The following TEX11 variants were observed in gnomAD, a reference collection of about 807,000 sequenced individuals.
The protein encoded by TEX11 is testis-expressed protein 11.
TEX11 carries 7 observed loss-of-function variants against 84.4 expected under a neutral mutation model. The ratio of observed to expected loss-of-function variants is 0.08; its 90% CI spans 0.05 to 0.16. TEX11 has a LOEUF of 0.16. Ranked by LOEUF, TEX11 falls within the 10% of genes least tolerant of loss-of-function variation. The pLI, the probability that TEX11 is intolerant of heterozygous loss-of-function variation, is 1.00. For missense variants in TEX11, 551 were observed against 660.5 expected (o/e 0.83, Z 1.82); for synonymous variants, 264 against 222.8 (o/e 1.18, Z -1.64).
At chrX:70,621,575 TATAA>T (rs1223704154) in intron 20 of TEX11, among the ~76,000 whole-genome samples, 8 of 60,248 alleles carry the variant, frequency 1.3e-4, no homozygotes, top group Admixed American at 6.4e-4. Flanking sequence ...TATATATATA[TATAA>T]ATAAAAATAA....
chrX:70,735,449 C>G (rs941162261), intron 11 of TEX11, among the ~76,000 whole-genome samples: 8 of 111,620 alleles, frequency 7.2e-5, no homozygotes, highest in African/African-American at 2.6e-4. Flanking sequence ...GATATAATAT[C>G]AGTATTTTTT....
intron 25 of TEX11, among the ~76,000 whole-genome samples, chrX:70,569,047 C>T (rs1170905702): frequency 8.9e-6 from 1 of 112,092 alleles, no homozygotes; most frequent in East Asian, 2.8e-4. Context: ...GTACACCAAT[C>T]AGATGCAGAT....
At chrX:70,801,519 G>A (rs1602139691) in intron 9 of TEX11, among the ~76,000 whole-genome samples, 2 of 111,726 alleles carry the variant, frequency 1.8e-5, no homozygotes, top group Admixed American at 9.6e-5. Flanking sequence ...TTCTTCAAAG[G>A]AGTTATCCAT....
the TEX11 span, among the ~76,000 whole-genome samples, chrX:70,520,190 A>G: frequency 9.0e-6 from 1 of 111,672 alleles, no homozygotes; most frequent in African/African-American, 3.2e-5. Context: ...TTTGGAGGAG[A>G]AGAGGTGCTC....
intron 11 of TEX11, among the ~76,000 whole-genome samples, chrX:70,731,402 G>A (rs1176050366): frequency 6.4e-4 from 71 of 110,362 alleles, no homozygotes; most frequent in South Asian, 7.8e-4. Flanking sequence ...TTGATAGACC[G>A]CTAGCAAGAC....
At chrX:70,602,125 G>A (rs1181507319) in intron 24 of TEX11, among the ~76,000 whole-genome samples, 143 of 111,839 alleles carry the variant, frequency 1.3e-3, no homozygotes, top group African/African-American at 4.2e-3. Flanking sequence ...GGGCAGAAGC[G>A]CCCCTCACCT....
chrX:70,781,979 T>C (rs939369522), intron 9 of TEX11, among the ~76,000 whole-genome samples: 18 of 110,684 alleles, frequency 1.6e-4, no homozygotes, highest in African/African-American at 5.3e-4. Context: ...ACCACAAAGA[T>C]ACCCCTCAAG....
intron 13 of TEX11, among the ~76,000 whole-genome samples, chrX:70,709,505 T>C (rs1170313099): frequency 9.0e-6 from 1 of 111,658 alleles, no homozygotes; most frequent in East Asian, 2.8e-4. Context: ...TTTAAACATA[T>C]AATTGTAAAA....
chrX:70,561,178 A>C (rs1404249154), intron 25 of TEX11, among the ~76,000 whole-genome samples: 1 of 108,488 alleles, frequency 9.2e-6, no homozygotes, highest in Admixed American at 1.0e-4. Flanking sequence ...TAGACCTTTA[A>C]AAATTTCTTT....
chrX:70,827,936 T>C (rs1364648083), intron 8 of TEX11, among the ~76,000 whole-genome samples: 2 of 111,610 alleles, frequency 1.8e-5, no homozygotes, highest in East Asian at 2.8e-4. Flanking sequence ...AGTGACTCCA[T>C]ATGTTTCAGA....
intron 8 of TEX11, among the ~76,000 whole-genome samples, chrX:70,813,482 A>G (rs1179789541): frequency 8.9e-6 from 1 of 111,738 alleles, no homozygotes; most frequent in Non-Finnish European, 1.9e-5. Context: ...ACAAACCCAC[A>G]GCCAATATCA....
intron 9 of TEX11, among the ~76,000 whole-genome samples, chrX:70,751,183 C>T (rs185405526): frequency 9.5e-6 from 1 of 105,442 alleles, no homozygotes. Flanking sequence ...CACATGCACA[C>T]GTATGTTTAT....
At chrX:70,580,943 A>C (rs982960034) in intron 25 of TEX11, among the ~76,000 whole-genome samples, 3 of 57,916 alleles carry the variant, frequency 5.2e-5, no homozygotes, top group Non-Finnish European at 9.6e-5. Context: ...ACCTACATAA[A>C]TTTTAATTAA....
intron 16 of TEX11, among the ~76,000 whole-genome samples, chrX:70,664,663 T>C (rs2089961396): frequency 9.0e-6 from 1 of 111,018 alleles, no homozygotes; most frequent in Non-Finnish European, 1.9e-5. Flanking sequence ...GTCTTCTACT[T>C]ATTCTATAGT....
chrX:70,872,142 G>A lies in TEX11; in HGVS notation c.244+1081C>T, dbSNP rs1372007479. Among the ~76,000 whole-genome samples, 5 of 111,759 alleles carry A rather than the reference G, an allele frequency of 4.5e-5. No homozygotes were observed. The South Asian group carries it at 1.5e-3, about 33-fold the overall frequency. On this transcript the variant is annotated intron_variant, in intron 4 of 29. Coordinates refer to ENST00000374333, the MANE Select transcript of TEX11 (RefSeq NM_031276.3). ...AGAATGGTAGGAGTTAAGAATTAAC[G>A]CACTTTAATATCACACGGTTCACCT...
intron 2 of TEX11, among the ~76,000 whole-genome samples, chrX:70,907,256 C>A (rs1236445258): frequency 9.1e-6 from 1 of 109,429 alleles, no homozygotes; most frequent in African/African-American, 3.3e-5. Context: ...GAAAAAAAAA[C>A]AAGTTATGAA....
intron 11 of TEX11, among the ~76,000 whole-genome samples, chrX:70,725,817 C>A (rs1201107385): frequency 8.9e-6 from 1 of 111,960 alleles, no homozygotes; most frequent in African/African-American, 3.2e-5. Flanking sequence ...CCTAAGCCAT[C>A]TGTGATCTTC....
At chrX:70,530,598 A>G (rs1224321716) in intron 28 of TEX11, among the ~76,000 whole-genome samples, 1 of 112,028 alleles carries the variant, frequency 8.9e-6, no homozygotes, top group Non-Finnish European at 1.9e-5. Context: ...TAGTCTAAGA[A>G]GCTACTTTCT....
chrX:70,785,714 A>G (rs1454634111), intron 9 of TEX11, among the ~76,000 whole-genome samples: 1 of 112,550 alleles, frequency 8.9e-6, no homozygotes, highest in Non-Finnish European at 1.9e-5. Context: ...AGACACATGA[A>G]AAAATGCTCA....
Sources: gnomAD v4.1 joint callset for allele counts (sites outside exome capture counted in the v4.1 genomes callset) on GRCh38, gnomAD v4.1.1 for gene constraint, MANE v1.5 for transcripts, NCBI Gene and HGNC (gene_info 2026-07-23, HGNC 2026-07-21) for gene names.